GNG2: variants seen among roughly 807,000 people sequenced by gnomAD.
GNG2 encodes guanine nucleotide-binding protein G(I)/G(S)/G(O) subunit gamma-2.
Under a neutral mutation model 5.5 loss-of-function variants are expected in GNG2, and 5 were observed. That is an observed-to-expected ratio of 0.91 (90% CI 0.48 to 1.92). The LOEUF (loss-of-function observed/expected upper bound fraction) is 1.92. Ranked by LOEUF, GNG2 falls within the 30% of genes most tolerant of loss-of-function variation. The probability of loss-of-function intolerance (pLI) is 0.01; values close to 1 mark genes in which losing one functional copy is unlikely to be tolerated. For missense variants in GNG2, 55 were observed against 88.4 expected (o/e 0.62, Z 1.52); for synonymous variants, 28 against 32.0 (o/e 0.88, Z 0.42).
chr14:51,892,149 A>AT (rs993679741), intron 2 of GNG2, among the ~76,000 whole-genome samples: 1 of 152,066 alleles, frequency 6.6e-6, no homozygotes, highest in Non-Finnish European at 1.5e-5. Flanking sequence ...CTGGAAGTCT[A>AT]TTTTTTTAAA....
At chr14:51,923,957 T>C (rs1887168270) in intron 2 of GNG2, among the ~76,000 whole-genome samples, 1 of 152,206 alleles carries the variant, frequency 6.6e-6, no homozygotes, top group African/African-American at 2.4e-5. Context: ...TGCTCAGAGA[T>C]GTTGGAATTT....
At chr14:51,872,033 G>C (rs1204038887) in intron 1 of GNG2, among the ~76,000 whole-genome samples, 2 of 152,212 alleles carry the variant, frequency 1.3e-5, no homozygotes, top group African/African-American at 4.8e-5. Context: ...GGTGAGTGCA[G>C]TGGTTGAAGG....
At chr14:51,897,422 G>C (rs1354356896) in intron 2 of GNG2, among the ~76,000 whole-genome samples, 1 of 152,078 alleles carries the variant, frequency 6.6e-6, no homozygotes, top group African/African-American at 2.4e-5. Flanking sequence ...CCGGGGTGGG[G>C]GCATCATGGG....
chr14:51,966,701 G>T lies in GNG2; in HGVS notation c.*14G>T. On this transcript the variant is annotated 3_prime_UTR_variant, in exon 4 of 4. Transcript: ENST00000556766. ...GCCATCCTTTAAGTCTTTGAGAGGGGCCTGAAGAGCCTCCGGGCTCCTGGG... is the reference window on the plus strand; with the variant it reads ...GCCATCCTTTAAGTCTTTGAGAGGGTCCTGAAGAGCCTCCGGGCTCCTGGG... 1.2e-6 allele frequency: 2 copies of T among 1,611,904 alleles called. No individual in the cohort carries two copies. Among genetic ancestry groups the T allele is most frequent in the Non-Finnish European group, 1.7e-6 (2 of 1,178,064 alleles).
rs146238552 is a variant in GNG2 at position 51,826,530 on chromosome 14, C to T, written c.-77+300C>T. Among the ~76,000 whole-genome samples, 1,067 of 152,202 alleles carry T rather than the reference C, an allele frequency of 7.0e-3. 5 individuals are homozygous for T. The highest frequency in any genetic ancestry group is 0.024 in the Middle Eastern group (7 of 294). ...GGTCTCCAGAACCAATACCCCACCTCGTGAGTATTGAGAACAACTGTATAC... is the reference window on the plus strand; with the variant it reads ...GGTCTCCAGAACCAATACCCCACCTTGTGAGTATTGAGAACAACTGTATAC... On this transcript the variant is annotated intron_variant, in intron 1 of 3. Coordinates refer to the GNG2 transcript ENST00000553432.
intron 2 of GNG2, chr14:51,917,579 T>C: frequency 2.8e-6 from 1 of 352,208 alleles, no homozygotes; most frequent in South Asian, 2.1e-5. Context: ...TTAAAGGTAT[T>C]TAGGATTAAT....
At chr14:51,917,769 G>A (rs1018322419) in intron 2 of GNG2, among the ~76,000 whole-genome samples, 1 of 152,018 alleles carries the variant, frequency 6.6e-6, no homozygotes, top group African/African-American at 2.4e-5. Context: ...GGTGGCTCAC[G>A]CCTGTAATCC....
intron 2 of GNG2, among the ~76,000 whole-genome samples, chr14:51,850,679 G>C (rs1170936260): frequency 6.6e-6 from 1 of 152,202 alleles, no homozygotes; most frequent in East Asian, 1.9e-4. Context: ...GTCTGAACAG[G>C]AAGCATGGTG....
Position 51,855,327 on chromosome 14 carries a change from G to T in GNG2, c.64+27520G>T, listed in dbSNP as rs552951821. 7.9e-5 allele frequency among the ~76,000 whole-genome samples: 12 copies of T among 152,254 alleles called. No homozygotes were observed. The South Asian group carries it at 2.5e-3, about 32-fold the overall frequency. On this transcript the variant is annotated intron_variant, in intron 2 of 3. Transcript: ENST00000553432. ...GAGACTGGCATTTTTCATTAGTGAA[G>T]GCCAGGCACTCTCTCTCCAGAAAGA... is the stretch of plus-strand genomic sequence containing the variant.
intron 2 of GNG2, among the ~76,000 whole-genome samples, chr14:51,918,103 C>T (rs1219576821): frequency 6.7e-6 from 1 of 149,706 alleles, no homozygotes; most frequent in African/African-American, 2.5e-5. Flanking sequence ...ACAAAAGCTA[C>T]AGGATAATAA....
At chr14:51,884,211 C>T (rs1179578815) in intron 2 of GNG2, among the ~76,000 whole-genome samples, 2 of 151,986 alleles carry the variant, frequency 1.3e-5, no homozygotes, top group East Asian at 3.9e-4. Context: ...TTAAAATGTG[C>T]CTTTTAAAAC....
At chr14:51,954,910 C>G (rs1261696148) in intron 3 of GNG2, among the ~76,000 whole-genome samples, 1 of 152,124 alleles carries the variant, frequency 6.6e-6, no homozygotes, top group East Asian at 1.9e-4. Context: ...TGAGCCCTCT[C>G]CAGCTTCAAT....
intron 2 of GNG2, chr14:51,878,107 G>C (rs1883798830): frequency 5.9e-6 from 1 of 168,438 alleles, no homozygotes; most frequent in Non-Finnish European, 1.2e-5. Context: ...ACAACAACAA[G>C]AGGTCAATCT....
chr14:51,854,999 CTCTCCTCA>C (rs1882087819), intron 2 of GNG2, among the ~76,000 whole-genome samples: 1 of 152,204 alleles, frequency 6.6e-6, no homozygotes, highest in Non-Finnish European at 1.5e-5. Flanking sequence ...CATCCCCTTC[CTCTCCTCA>C]TCAACATTTA....
rs561458214 is a variant in GNG2, at chr14:51,930,379, GA to G, written c.-29-20270del. On this transcript the variant is annotated intron_variant, in intron 2 of 3. Coordinates refer to ENST00000556766, the MANE Select transcript of GNG2 (RefSeq NM_053064.5). Reference sequence around the variant, plus strand: ...GCTCTATCCTTGGCCCTACTTTACAGAGGAAACTAGTCATTTTCACAGGAAA... The same window carrying G: ...GCTCTATCCTTGGCCCTACTTTACAGGGAAACTAGTCATTTTCACAGGAAA... Among the ~76,000 whole-genome samples, 28 of 152,308 alleles carry G rather than the reference GA, an allele frequency of 1.8e-4. No individual in the cohort carries two copies. In the South Asian group the frequency reaches 2.9e-3, roughly 16 times the overall value.
intron 2 of GNG2, among the ~76,000 whole-genome samples, chr14:51,919,639 G>T (rs949516123): frequency 1.3e-5 from 2 of 152,202 alleles, no homozygotes; most frequent in Non-Finnish European, 2.9e-5. Context: ...CCTGGACCCT[G>T]AATGAAAGGT....
intron 2 of GNG2, among the ~76,000 whole-genome samples, chr14:51,849,805 C>CTT (rs33966382): frequency 1.6e-5 from 2 of 122,024 alleles, no homozygotes; most frequent in African/African-American, 6.0e-5. Context: ...AAAGCAAATG[C>CTT]TTTTTTTTTT....
chr14:51,890,968 A>G (rs1884811771), intron 2 of GNG2, among the ~76,000 whole-genome samples: 1 of 152,194 alleles, frequency 6.6e-6, no homozygotes, highest in Non-Finnish European at 1.5e-5. Context: ...TTCAGCAAAG[A>G]ACAGTACATT....
intron 3 of GNG2, among the ~76,000 whole-genome samples, chr14:51,958,703 T>C (rs1889422630): frequency 6.6e-6 from 1 of 152,118 alleles, no homozygotes; most frequent in African/African-American, 2.4e-5. Flanking sequence ...CAGGTTCCTA[T>C]ACTCCTTACC....
Sources: allele counts gnomAD v4.1 joint callset (sites outside exome capture counted in the v4.1 genomes callset), GRCh38; gene constraint gnomAD v4.1.1; transcripts MANE v1.5; gene names NCBI Gene and HGNC (gene_info 2026-07-23, HGNC 2026-07-21).